KIF26B: variants seen among roughly 807,000 people sequenced by gnomAD.
KIF26B encodes kinesin-like protein KIF26B.
Under a neutral mutation model 151.2 loss-of-function variants are expected in KIF26B, and 63 were observed. That is an observed-to-expected ratio of 0.42 (90% CI 0.34 to 0.51). KIF26B has a LOEUF of 0.51. Ranked by LOEUF, KIF26B falls within the 20% of genes least tolerant of loss-of-function variation. KIF26B has a pLI of 0.07. For missense variants in KIF26B, 2,813 were observed against 2,913.6 expected (o/e 0.97, Z 0.79); for synonymous variants, 1,357 against 1,262.1 (o/e 1.08, Z -1.59).
intron 2 of KIF26B, among the ~76,000 whole-genome samples, chr1:245,327,909 C>T (rs908556287): frequency 5.9e-5 from 9 of 152,150 alleles, no homozygotes; most frequent in African/African-American, 2.2e-4. Context: ...CTTGTGACTT[C>T]CAGAAAACAA....
At chr1:245,497,025 T>C (rs1660526023) in intron 4 of KIF26B, among the ~76,000 whole-genome samples, 1 of 151,952 alleles carries the variant, frequency 6.6e-6, no homozygotes, top group South Asian at 2.1e-4. Flanking sequence ...TGGTGGCGCA[T>C]GTCTGTAATC....
In KIF26B at chr1:245,367,546, G is replaced by A. The variant is rs1672992630; in HGVS notation, c.999+179G>A. ...CCACCCGGGCCTGCCTGCTTTGAGAGGGTGTTGCTACATCTTCCAAACTTT... is the reference window on the plus strand; with the variant it reads ...CCACCCGGGCCTGCCTGCTTTGAGAAGGTGTTGCTACATCTTCCAAACTTT... On this transcript the variant is annotated intron_variant, in intron 3 of 14. Transcript: ENST00000407071. The surrounding 1 kb of genome is among the most constrained non-coding windows in gnomAD (Gnocchi z 4.2). Among the ~76,000 whole-genome samples the A allele has an allele frequency of 6.6e-6, 1 of 152,238 alleles. No homozygotes were observed. Among genetic ancestry groups the A allele is most frequent in the Non-Finnish European group, 1.5e-5 (1 of 68,034 alleles).
intron 14 of KIF26B, among the ~76,000 whole-genome samples, chr1:245,699,301 A>AT (rs531761379): frequency 1.8e-3 from 277 of 152,116 alleles, no homozygotes; most frequent in African/African-American, 6.2e-3. Context: ...TGAAAATGAG[A>AT]TTTTTCCCCC....
intron 12 of KIF26B, among the ~76,000 whole-genome samples, chr1:245,691,979 C>A (rs2044631083): frequency 6.6e-6 from 1 of 152,204 alleles, no homozygotes; most frequent in African/African-American, 2.4e-5. Context: ...TGGGGAATAA[C>A]TGTCCTCTTT....
rs1672060726 is a variant in KIF26B, at chr1:245,329,637, A to G, written c.466-37197A>G. Among the ~76,000 whole-genome samples the G allele has an allele frequency of 2.0e-5, 3 of 152,048 alleles. 1 individual carries two copies. In the Middle Eastern group the frequency reaches 0.01, roughly 517 times the overall value. On this transcript the variant is annotated intron_variant, in intron 2 of 14. Transcript: ENST00000407071. ...CCTCATACACATTCACTCACTCACC[A>G]TTCACTCCCACTCTCCTGCCCCTGC...
intron 2 of KIF26B, among the ~76,000 whole-genome samples, chr1:245,236,824 C>T (rs1418223051): frequency 2.0e-5 from 3 of 152,158 alleles, no homozygotes; most frequent in Admixed American, 6.6e-5. Context: ...GCTGCTGTAT[C>T]CCCAGGGCAG....
rs868236927 is a variant in KIF26B, at chr1:245,618,794, T to G, written c.2098+6818T>G. Among the ~76,000 whole-genome samples, 33 of 127,332 alleles carry G rather than the reference T, an allele frequency of 2.6e-4. 1 individual carries two copies. Among genetic ancestry groups the G allele is most frequent in the African/African-American group, 9.2e-4 (29 of 31,412 alleles). 83.5% of individuals were successfully genotyped at this position (127,332 alleles called of 152,430 possible). Reference sequence around the variant, plus strand: ...TTGAGACAGACTGCCACAGTGCTGGTGCTGTGTCCGCTGCATGCTGTTGGT... The same window carrying G: ...TTGAGACAGACTGCCACAGTGCTGGGGCTGTGTCCGCTGCATGCTGTTGGT... On this transcript the variant is annotated intron_variant, in intron 9 of 14. Coordinates refer to ENST00000407071, the MANE Select transcript of KIF26B (RefSeq NM_018012.4).
rs574146763 is a variant in KIF26B, at chr1:245,695,803, A to G, written c.5825-2303A>G. Among the ~76,000 whole-genome samples, 630 of 124,676 alleles carry G rather than the reference A, an allele frequency of 5.1e-3. 26 individuals are homozygous for G. Among genetic ancestry groups the G allele is most frequent in the African/African-American group, 0.017 (608 of 36,844 alleles). The allele number at this position is 124,676 out of a possible 152,430, so 81.8% of individuals were successfully genotyped here. A position where few individuals can be genotyped will look rare whatever the true frequency, so the allele number is the denominator to read the frequency against. On this transcript the variant is annotated intron_variant, in intron 12 of 14. Transcript: ENST00000407071. ...GTGCCCTGGCACGGGTATTGGCAGGACTCTCCAGGTGTTTTTACCTTCTCT... is the reference window on the plus strand; with the variant it reads ...GTGCCCTGGCACGGGTATTGGCAGGGCTCTCCAGGTGTTTTTACCTTCTCT...
chr1:245,195,972 A>G (rs1313989499), intron 2 of KIF26B, among the ~76,000 whole-genome samples: 1 of 152,166 alleles, frequency 6.6e-6, no homozygotes, highest in Admixed American at 6.5e-5. Flanking sequence ...ATCAAAGTGG[A>G]AAAAGGAGGG....
chr1:245,640,122 G>GCTCGCTCTCTCTCTCTCTCTCTCT (rs1553299289), intron 9 of KIF26B, among the ~76,000 whole-genome samples: 1,176 of 53,808 alleles, frequency 0.022, 224 homozygotes, highest in East Asian at 0.038. Context: ...ACTAATATTT[G>GCTCGCTCTCTCTCTCTCTCTCTCT]CTCTCTCTCT....
intron 4 of KIF26B, among the ~76,000 whole-genome samples, chr1:245,492,060 C>G (rs568752244): frequency 6.6e-6 from 1 of 152,246 alleles, no homozygotes; most frequent in East Asian, 1.9e-4. Flanking sequence ...AAGTTCCTGC[C>G]AAGTTTTAAG....
chr1:245,574,271 G>A (rs1418113334), intron 5 of KIF26B, among the ~76,000 whole-genome samples: 3 of 152,150 alleles, frequency 2.0e-5, no homozygotes, highest in Non-Finnish European at 4.4e-5. Flanking sequence ...AGCCTCCCGA[G>A]TAGCTGGGAT....
chr1:245,264,665 C>CA (rs1336793739), intron 2 of KIF26B, among the ~76,000 whole-genome samples: 2 of 151,940 alleles, frequency 1.3e-5, no homozygotes, highest in African/African-American at 4.8e-5. Context: ...GAGGCTGAGA[C>CA]AGGCAGATCA....
chr1:245,507,314 C>T (rs965162024), intron 4 of KIF26B, among the ~76,000 whole-genome samples: 1 of 152,204 alleles, frequency 6.6e-6, no homozygotes, highest in Non-Finnish European at 1.5e-5. Context: ...TGGAAATCCA[C>T]ACCCGTAGAA....
chr1:245,700,120 T>C (rs1489191596), intron 14 of KIF26B, among the ~76,000 whole-genome samples: 1 of 152,306 alleles, frequency 6.6e-6, no homozygotes, highest in Admixed American at 6.5e-5. Context: ...TAATATTAAG[T>C]TGCAGCATTT....
At position 245,686,362 on chromosome 1, in the gene KIF26B, C is replaced by T. The variant is rs756745035; in HGVS notation, c.3379C>T (p.Pro1127Ser). The T allele has an allele frequency of 6.8e-6, 11 of 1,613,344 alleles. No homozygotes were observed. The South Asian group carries it at 9.9e-5, about 14-fold the overall frequency. Residue 1127 changes from proline (P) to serine (S), a missense_variant, in exon 12 of 15, where the codon CCC (proline) becomes TCC (serine). This residue lies in a region of KIF26B where 2,060 missense variants were observed against 2,088.6 expected (regional missense o/e 0.99). Coordinates refer to ENST00000407071, the MANE Select transcript of KIF26B (RefSeq NM_018012.4). This position sits in a 1 kb window ranked among gnomAD's most constrained non-coding sequence, Gnocchi z 5.6. Reference sequence around the variant, plus strand: ...CTTGCTGCAGCCCGAGGTGCGTACGCCCCCGGTTGGAATGAGCCCCCAGGT... The same window carrying T: ...CTTGCTGCAGCCCGAGGTGCGTACGTCCCCGGTTGGAATGAGCCCCCAGGT... Reference protein sequence around the residue: ...ESLLQPEVRTPPVGMSPQVLK... With the variant: ...ESLLQPEVRTSPVGMSPQVLK...
At chr1:245,316,034 G>T (rs1017913839) in intron 2 of KIF26B, among the ~76,000 whole-genome samples, 1 of 152,156 alleles carries the variant, frequency 6.6e-6, no homozygotes, top group Admixed American at 6.5e-5. Flanking sequence ...TAAAGTGTGG[G>T]CCTAACTAGA....
rs368651811 is a variant in KIF26B at position 245,686,011 on chromosome 1, G to C, written c.3028G>C (p.Ala1010Pro). The change falls in exon 12 of 15, where the codon GCC becomes CCC. Residue 1010 changes from alanine (A) to proline (P), a missense_variant. Ala to Pro is a conservative substitution (Grantham distance 27). Coordinates refer to ENST00000407071, the MANE Select transcript of KIF26B (RefSeq NM_018012.4). The surrounding 1 kb of genome is among the most constrained non-coding windows in gnomAD (Gnocchi z 5.6). ...KMQRSHSPVP[A>P]AAPAHSPSPA... ...GCAGAGGAGTCACTCACCTGTGCCC[G>C]CCGCGGCACCCGCCCACAGCCCCAG... The C allele has an allele frequency of 6.3e-7, 1 of 1,591,458 alleles. No homozygotes were observed. The highest frequency in any genetic ancestry group is 1.1e-5 in the South Asian group (1 of 88,384).
At chr1:245,333,523 C>T (rs570179583) in intron 2 of KIF26B, among the ~76,000 whole-genome samples, 6 of 152,162 alleles carry the variant, frequency 3.9e-5, no homozygotes, top group African/African-American at 9.6e-5. Flanking sequence ...TGGAGGTGGG[C>T]GGTGGTGACG....
Sources: allele counts gnomAD v4.1 joint callset (sites outside exome capture counted in the v4.1 genomes callset), GRCh38; gene constraint gnomAD v4.1.1; regional missense constraint gnomAD v4.1.1; non-coding constraint Gnocchi (gnomAD v3.1); transcripts MANE v1.5; gene names NCBI Gene and HGNC (gene_info 2026-07-23, HGNC 2026-07-21).